Variants in IL1RAPL1 observed in about 807,000 individuals in gnomAD.
IL1RAPL1 encodes interleukin-1 receptor accessory protein-like 1.
Under a neutral mutation model 48.4 loss-of-function variants are expected in IL1RAPL1, and 3 were observed. The ratio of observed to expected loss-of-function variants is 0.06; its 90% CI spans 0.03 to 0.16. The LOEUF is 0.16. Among genes scored for constraint, IL1RAPL1 ranks in the 10% least tolerant of loss-of-function variants. The pLI, the probability that IL1RAPL1 is intolerant of heterozygous loss-of-function variation, is 1.00. For missense variants in IL1RAPL1, 349 were observed against 530.6 expected (o/e 0.66, Z 3.36); for synonymous variants, 185 against 187.7 (o/e 0.99, Z 0.12).
intron 2 of IL1RAPL1, among the ~76,000 whole-genome samples, chrX:29,252,948 A>G (rs1218322240): frequency 9.0e-6 from 1 of 111,022 alleles, no homozygotes; most frequent in Non-Finnish European, 1.9e-5. Flanking sequence ...TCGTGTCTAT[A>G]ACAATTCAAG....
chrX:29,110,993 T>C (rs1928552984), intron 2 of IL1RAPL1, among the ~76,000 whole-genome samples: 1 of 111,655 alleles, frequency 9.0e-6, no homozygotes, highest in African/African-American at 3.2e-5. Flanking sequence ...TAGGTAGATA[T>C]AAATTTTGAA....
intron 2 of IL1RAPL1, among the ~76,000 whole-genome samples, chrX:29,051,981 T>A (rs1293653865): frequency 8.9e-6 from 1 of 112,002 alleles, no homozygotes; most frequent in African/African-American, 3.3e-5. Context: ...AAAGGTGATA[T>A]TGTGATTCCA....
At chrX:29,747,100 TA>T (rs1928353012) in intron 6 of IL1RAPL1, among the ~76,000 whole-genome samples, 2 of 112,283 alleles carry the variant, frequency 1.8e-5, no homozygotes, top group Non-Finnish European at 3.8e-5. Context: ...TGAGTTGAGG[TA>T]ATTCAGGATA....
intron 6 of IL1RAPL1, among the ~76,000 whole-genome samples, chrX:29,805,094 T>C (rs966968894): frequency 2.7e-5 from 3 of 112,288 alleles, no homozygotes; most frequent in Middle Eastern, 4.6e-3. Context: ...TATTAGTTCA[T>C]AGCAAATATT....
At chrX:28,729,029 C>T (rs1935719036) in intron 1 of IL1RAPL1, among the ~76,000 whole-genome samples, 1 of 111,847 alleles carries the variant, frequency 8.9e-6, no homozygotes. Flanking sequence ...AGCTATGTTA[C>T]TCTGTATTAT....
intron 2 of IL1RAPL1, among the ~76,000 whole-genome samples, chrX:29,137,381 GGTATATAT>G (rs1248863670): frequency 9.0e-6 from 1 of 111,178 alleles, no homozygotes; most frequent in Non-Finnish European, 1.9e-5. Flanking sequence ...TTCCACACAA[GGTATATAT>G]ATGTAAGGGA....
chrX:29,930,896 A>G (rs1367989142), intron 8 of IL1RAPL1, among the ~76,000 whole-genome samples: 1 of 112,077 alleles, frequency 8.9e-6, no homozygotes, highest in East Asian at 2.8e-4. Context: ...AAATCAATAC[A>G]TACAGTGGGA....
intron 6 of IL1RAPL1, among the ~76,000 whole-genome samples, chrX:29,705,495 A>G (rs1172183760): frequency 8.9e-6 from 1 of 112,590 alleles, no homozygotes; most frequent in African/African-American, 3.2e-5. Context: ...GATTACAGGC[A>G]TGAGCCACCA....
chrX:29,245,554 G>A (rs1465996244), intron 2 of IL1RAPL1, among the ~76,000 whole-genome samples: 1 of 111,708 alleles, frequency 9.0e-6, no homozygotes, highest in Non-Finnish European at 1.9e-5. Context: ...TCATATGTTT[G>A]TTGGCTACAT....
chrX:29,412,793 T>A (rs938513949), intron 5 of IL1RAPL1, among the ~76,000 whole-genome samples: 5 of 112,016 alleles, frequency 4.5e-5, no homozygotes, highest in African/African-American at 1.6e-4. Flanking sequence ...AACTAAGTTA[T>A]CTGTCTTCAT....
At chrX:29,009,064 G>T (rs1926059929) in intron 2 of IL1RAPL1, among the ~76,000 whole-genome samples, 1 of 111,560 alleles carries the variant, frequency 9.0e-6, no homozygotes, top group Admixed American at 9.4e-5. Context: ...GATGTGGCTG[G>T]AAGCCATTAG....
At chrX:28,981,043 G>A (rs1168884238) in intron 2 of IL1RAPL1, among the ~76,000 whole-genome samples, 1 of 85,827 alleles carries the variant, frequency 1.2e-5, no homozygotes, top group Non-Finnish European at 2.1e-5. Flanking sequence ...GTGAACTATG[G>A]TTGTGCCACT....
chrX:28,893,612 C>G (rs1922830188), intron 2 of IL1RAPL1, among the ~76,000 whole-genome samples: 1 of 111,224 alleles, frequency 9.0e-6, no homozygotes, highest in Non-Finnish European at 1.9e-5. Context: ...GGGGCAAATC[C>G]CTGAGCTTGA....
At chrX:29,588,749 G>C (rs184670362) in intron 5 of IL1RAPL1, among the ~76,000 whole-genome samples, 46 of 112,143 alleles carry the variant, frequency 4.1e-4, no homozygotes, top group Non-Finnish European at 7.3e-4. Flanking sequence ...GGATCATCTA[G>C]GTGAAGCTCT....
At position 29,954,022 on chromosome X, in the gene IL1RAPL1, G is replaced by A. The variant is rs745362792; in HGVS notation, c.1202-500G>A. ...AGGCTGAGGAGGGTGGATCGCCTGA[G>A]GTCAGGAGCTCAAGACCAGCCTGGC... On this transcript the variant is annotated intron_variant, in intron 9 of 10. Coordinates refer to ENST00000378993, the MANE Select transcript of IL1RAPL1 (RefSeq NM_014271.4). Among the ~76,000 whole-genome samples, 6 of 110,060 alleles carry A rather than the reference G, an allele frequency of 5.5e-5. No individual in the cohort carries two copies. The South Asian group carries it at 1.6e-3, about 29-fold the overall frequency.
intron 5 of IL1RAPL1, among the ~76,000 whole-genome samples, chrX:29,435,138 C>T (rs1934468668): frequency 9.0e-6 from 1 of 111,196 alleles, no homozygotes; most frequent in African/African-American, 3.2e-5. Context: ...GCGCTCTATT[C>T]CTTTTCATGG....
intron 5 of IL1RAPL1, among the ~76,000 whole-genome samples, chrX:29,621,296 A>T (rs1262363491): frequency 9.0e-6 from 1 of 111,524 alleles, no homozygotes; most frequent in Non-Finnish European, 1.9e-5. Context: ...GTATATATTT[A>T]TATGCATACA....
At chrX:29,721,861 TTAGAA>T (rs1165261692) in intron 6 of IL1RAPL1, among the ~76,000 whole-genome samples, 3 of 112,125 alleles carry the variant, frequency 2.7e-5, no homozygotes, top group Non-Finnish European at 5.6e-5. Flanking sequence ...AAAAATATCT[TTAGAA>T]TAGTAATACT....
At chrX:28,884,912 T>C (rs1234727017) in intron 2 of IL1RAPL1, among the ~76,000 whole-genome samples, 1 of 111,878 alleles carries the variant, frequency 8.9e-6, no homozygotes, top group African/African-American at 3.2e-5. Context: ...TCAATTGGTA[T>C]ATAGATTCCA....
Sources: allele counts gnomAD v4.1 joint callset (sites outside exome capture counted in the v4.1 genomes callset), GRCh38; gene constraint gnomAD v4.1.1; transcripts MANE v1.5; gene names NCBI Gene and HGNC (gene_info 2026-07-23, HGNC 2026-07-21).